WNT6: variants seen among roughly 807,000 people sequenced by gnomAD.
WNT6 encodes protein Wnt-6.
WNT6 carries 27 observed loss-of-function variants against 33.1 expected under a neutral mutation model. The observed-to-expected ratio is 0.82, with a 90% CI of 0.60 to 1.12. WNT6 has a LOEUF of 1.12. Ranked by LOEUF, WNT6 falls within the 50% of genes most tolerant of loss-of-function variation. The pLI, the probability that WNT6 is intolerant of heterozygous loss-of-function variation, is 0.00. For missense variants in WNT6, 494 were observed against 535.3 expected, an observed-to-expected ratio of 0.92 and a Z score of 0.76; for synonymous variants, 249 against 242.8, an observed-to-expected ratio of 1.03 and a Z score of -0.24.
intron 3 of WNT6, among the ~76,000 whole-genome samples, chr2:218,872,719 G>C (rs1479876607): frequency 6.6e-6 from 1 of 152,140 alleles, no homozygotes; most frequent in East Asian, 1.9e-4. Context: ...AGTGACTAGG[G>C]GAGAGGCCGC....
Position 218,871,775 on chromosome 2 carries a change from A to T in WNT6, c.592A>T (p.Ile198Phe). The stretch of plus-strand genomic sequence containing the variant: ...GCGGCACAAGCGGGGACGCGGAGAC[A>T]TCCGCGCGTTGGTGCAACTGCACAA... ...DARHKRGRGD[I>F]RALVQLHNNE... The change falls in exon 3 of 4, where the codon ATC becomes TTC. Residue 198 changes from isoleucine (I) to phenylalanine (F), a missense_variant. Coordinates refer to ENST00000233948, the MANE Select transcript of WNT6 (RefSeq NM_006522.4). The surrounding 1 kb of genome is among the most constrained non-coding windows in gnomAD (Gnocchi z 6.4). The T allele has an allele frequency of 6.2e-7, 1 of 1,601,176 alleles. No homozygotes were observed. The highest frequency in any genetic ancestry group is 1.4e-5 in the African/African-American group (1 of 73,660).
At chr2:218,870,580 T>C (rs1003085285) in intron 1 of WNT6, among the ~76,000 whole-genome samples, 2 of 152,262 alleles carry the variant, frequency 1.3e-5, no homozygotes, top group Non-Finnish European at 2.9e-5. Context: ...ACTAGGACCA[T>C]ATCATTCCTT....
Position 218,871,864 on chromosome 2 carries a change from G to T in WNT6, c.636+45G>T. ...AGTGAGTGTGTGCGGAAATGTGAGT[G>T]TGCGCGCAGGAGTGTGCTTGAGGAA... On this transcript the variant is annotated intron_variant, in intron 3 of 3. Transcript: ENST00000233948. This position sits in a 1 kb window ranked among gnomAD's most constrained non-coding sequence, Gnocchi z 6.4. 1 of 1,503,516 alleles carries T rather than the reference G, an allele frequency of 6.7e-7. No individual in the cohort carries two copies. Among genetic ancestry groups the T allele is most frequent in the Non-Finnish European group, 8.9e-7 (1 of 1,120,996 alleles). 93.1% of individuals were successfully genotyped at this position (1,503,516 alleles called of 1,614,324 possible).
chr2:218,871,676 G>A lies in WNT6; in HGVS notation c.493G>A (p.Ala165Thr), dbSNP rs767870771. Residue 165 changes from alanine to threonine, a missense_variant, in exon 3 of 4, where the codon GCC becomes ACC. Ala to Thr is a moderately conservative substitution (Grantham distance 58). Transcript: ENST00000233948. The surrounding 1 kb of genome is among the most constrained non-coding windows in gnomAD (Gnocchi z 6.4). ...PGPAGSPEGS[A>T]AWEWGGCGDD... ...CCCCGCGGGCTCCCCGGAAGGCAGC[G>A]CCGCCTGGGAGTGGGGAGGCTGCGG... 6.4e-7 allele frequency: 1 copy of A among 1,554,792 alleles called. No individual in the cohort carries two copies. Among genetic ancestry groups the A allele is most frequent in the Non-Finnish European group, 8.7e-7 (1 of 1,151,644 alleles).
At position 218,874,080 on chromosome 2, in the gene WNT6, GTACA is replaced by G; in HGVS notation, c.*236_*239del. The G allele has an allele frequency of 4.1e-6, 2 of 488,758 alleles. No individual in the cohort carries two copies. Among genetic ancestry groups the G allele is most frequent in the South Asian group, 4.2e-5 (1 of 24,014 alleles). 30.3% of individuals were successfully genotyped at this position (488,758 alleles called of 1,614,324 possible). On this transcript the variant is annotated 3_prime_UTR_variant, in exon 4 of 4. Transcript: ENST00000233948. ...GCTCGGGGAGCGTTTAAAGGACACT[GTACA>G]GGCCCTCCCTCCCCTTGGCCTCTAG...
intron 1 of WNT6, among the ~76,000 whole-genome samples, chr2:218,862,106 C>T (rs1944314491): frequency 1.3e-5 from 2 of 152,228 alleles, no homozygotes; most frequent in South Asian, 4.2e-4. Flanking sequence ...GAGAGACTGA[C>T]CCTGAAGCTG....
intron 1 of WNT6, among the ~76,000 whole-genome samples, chr2:218,866,002 G>A (rs1363222727): frequency 1.3e-5 from 2 of 151,524 alleles, no homozygotes; most frequent in Non-Finnish European, 2.9e-5. Flanking sequence ...GGTGGTTTGG[G>A]TGGGGGTAGG....
intron 1 of WNT6, among the ~76,000 whole-genome samples, chr2:218,861,015 T>G (rs898446892): frequency 6.6e-6 from 1 of 152,168 alleles, no homozygotes; most frequent in African/African-American, 2.4e-5. Context: ...GCTCAGTGTT[T>G]AGAGAGGAGA....
intron 1 of WNT6, among the ~76,000 whole-genome samples, chr2:218,868,270 G>GAA (rs1944369930): frequency 6.6e-6 from 1 of 152,114 alleles, no homozygotes; most frequent in Non-Finnish European, 1.5e-5. Flanking sequence ...TGATTCTCCC[G>GAA]TCTCTAGTCC....
Position 218,873,709 on chromosome 2 carries a change from ACCTGCTGTGCTGCGG to A in WNT6, c.965_979del (p.Leu322_Gly326del). On this transcript the variant is annotated inframe_deletion, in exon 4 of 4. Coordinates refer to ENST00000233948, the MANE Select transcript of WNT6 (RefSeq NM_006522.4). This position sits in a 1 kb window ranked among gnomAD's most constrained non-coding sequence, Gnocchi z 6.1. ...AGCGCCCCGGACCTCAGCGGCTGCG[ACCTGCTGTGCTGCGG>A]CCGCGGGCACCGCCAGGAGAGCGTG... The A allele has an allele frequency of 6.3e-7, 1 of 1,575,484 alleles. No homozygotes were observed. The highest frequency in any genetic ancestry group is 8.6e-7 in the Non-Finnish European group (1 of 1,167,392).
At chr2:218,868,376 G>A (rs1462734531) in intron 1 of WNT6, among the ~76,000 whole-genome samples, 2 of 152,172 alleles carry the variant, frequency 1.3e-5, no homozygotes, top group Non-Finnish European at 2.9e-5. Flanking sequence ...GAGAGGAGAA[G>A]GATGGGGCAG....
Position 218,871,672 on chromosome 2 carries a change from C to T in WNT6, c.489C>T (p.Gly163=). ...CTGGCCCCGCGGGCTCCCCGGAAGG[C>T]AGCGCCGCCTGGGAGTGGGGAGGCT... ...GPPGPAGSPE[G]SAAWEWGGCG... The change falls in exon 3 of 4, where the codon GGC becomes GGT. Residue 163 remains glycine (G), a synonymous_variant. Transcript: ENST00000233948. The surrounding 1 kb of genome is among the most constrained non-coding windows in gnomAD (Gnocchi z 6.4). The T allele has an allele frequency of 6.4e-7, 1 of 1,551,718 alleles. No homozygotes were observed.
intron 1 of WNT6, among the ~76,000 whole-genome samples, chr2:218,861,180 T>C (rs1286194408): frequency 6.6e-6 from 1 of 152,130 alleles, no homozygotes; most frequent in African/African-American, 2.4e-5. Flanking sequence ...TCTGGAGAGA[T>C]AGGGAGTAGG....
In WNT6 at chr2:218,867,480, C is replaced by A. The variant is rs554561747; in HGVS notation, c.81-3547C>A. 6.1e-4 allele frequency among the ~76,000 whole-genome samples: 93 copies of A among 152,316 alleles called. 1 individual carries two copies. The highest frequency in any genetic ancestry group is 3.2e-3 in the Admixed American group (49 of 15,304). On this transcript the variant is annotated intron_variant, in intron 1 of 3. Transcript: ENST00000233948. This position sits in a 1 kb window ranked among gnomAD's most constrained non-coding sequence, Gnocchi z 4.9. The stretch of plus-strand genomic sequence containing the variant: ...CACCTCCCTAGGCAATTGATCCTAC[C>A]AACCATGGTCCTTGGTAGAGAGACC...
chr2:218,864,301 C>A (rs776797258), intron 1 of WNT6, among the ~76,000 whole-genome samples: 1 of 152,110 alleles, frequency 6.6e-6, no homozygotes, highest in East Asian at 1.9e-4. Context: ...GCTCTGTCAC[C>A]CAGGCTGGAG....
chr2:218,872,762 G>A (rs998748329), intron 3 of WNT6, among the ~76,000 whole-genome samples: 2 of 152,140 alleles, frequency 1.3e-5, no homozygotes, highest in Non-Finnish European at 2.9e-5. Context: ...CATTCCCAGC[G>A]GGCCCTCCTG....
chr2:218,869,065 A>G (rs1944377257), intron 1 of WNT6, among the ~76,000 whole-genome samples: 1 of 152,046 alleles, frequency 6.6e-6, no homozygotes, highest in African/African-American at 2.4e-5. Flanking sequence ...CCATTGCTTT[A>G]CTTATCTAGG....
chr2:218,869,936 T>C (rs751363195), intron 1 of WNT6, among the ~76,000 whole-genome samples: 6 of 152,134 alleles, frequency 3.9e-5, no homozygotes, highest in African/African-American at 1.4e-4. Flanking sequence ...CAACAGATCC[T>C]TGGCCATGTG....
intron 1 of WNT6, among the ~76,000 whole-genome samples, chr2:218,862,105 A>T (rs1158514125): frequency 6.6e-6 from 1 of 151,932 alleles, no homozygotes; most frequent in Non-Finnish European, 1.5e-5. Context: ...TGAGAGACTG[A>T]CCCTGAAGCT....
Sources: allele counts gnomAD v4.1 joint callset (sites outside exome capture counted in the v4.1 genomes callset), GRCh38; gene constraint gnomAD v4.1.1; non-coding constraint Gnocchi (gnomAD v3.1); transcripts MANE v1.5; gene names NCBI Gene and HGNC (gene_info 2026-07-23, HGNC 2026-07-21).